The following HDAC9 variants were observed in gnomAD, a reference collection of about 807,000 sequenced individuals.
HDAC9 encodes the protein MEF-2 interacting transcription repressor (MITR) protein.
A neutral mutation model predicts 139.4 loss-of-function variants in HDAC9; 41 were observed. The observed-to-expected ratio is 0.29, with a 90% confidence interval of 0.23 to 0.38. HDAC9 has a LOEUF of 0.38. Among genes scored for constraint, HDAC9 ranks in the 10% least tolerant of loss-of-function variants. The pLI is 1.00. For synonymous variants in HDAC9, 517 were observed against 476.2 expected (o/e 1.09, Z -1.12); for missense variants, 1,147 against 1,297.0 (o/e 0.88, Z 1.78).
intron 1 of HDAC9, among the ~76,000 whole-genome samples, chr7:18,133,719 A>T (rs1785183332): frequency 6.6e-6 from 1 of 152,124 alleles, no homozygotes; most frequent in Non-Finnish European, 1.5e-5. Context: ...ATAAAATGGA[A>T]AAAGTGATTA....
chr7:18,904,211 G>A (rs919686271), intron 22 of HDAC9, among the ~76,000 whole-genome samples: 1 of 152,094 alleles, frequency 6.6e-6, no homozygotes, highest in African/African-American at 2.4e-5. Context: ...AAGGTTTTCT[G>A]CTTTACATAT....
intron 12 of HDAC9, among the ~76,000 whole-genome samples, chr7:18,716,572 C>G (rs1003562481): frequency 6.6e-6 from 1 of 152,044 alleles, no homozygotes; most frequent in South Asian, 2.1e-4. Context: ...ATGCATAGTG[C>G]AACCAAATTA....
intron 14 of HDAC9, among the ~76,000 whole-genome samples, chr7:18,753,553 C>A (rs925238056): frequency 6.6e-6 from 1 of 151,994 alleles, no homozygotes; most frequent in African/African-American, 2.4e-5. Flanking sequence ...ACAGAGCAGT[C>A]AATTTTACAA....
chr7:18,336,574 C>G (rs1247041924), intron 1 of HDAC9, among the ~76,000 whole-genome samples: 1 of 151,510 alleles, frequency 6.6e-6, no homozygotes, highest in Non-Finnish European at 1.5e-5. Flanking sequence ...TGGCTGCAAT[C>G]CTAGCCATTT....
chr7:18,763,227 G>C (rs1375255329), intron 15 of HDAC9, among the ~76,000 whole-genome samples: 1 of 152,248 alleles, frequency 6.6e-6, no homozygotes, highest in East Asian at 1.9e-4. Context: ...ACATACAGTA[G>C]GTAGGTATCT....
intron 2 of HDAC9, among the ~76,000 whole-genome samples, chr7:18,202,871 G>A (rs566803563): frequency 6.6e-6 from 1 of 152,246 alleles, no homozygotes; most frequent in Admixed American, 6.5e-5. Context: ...CCATTTGCCT[G>A]GGTTGAAACT....
intron 2 of HDAC9, among the ~76,000 whole-genome samples, chr7:18,181,797 C>A (rs1289605270): frequency 6.6e-6 from 1 of 152,048 alleles, no homozygotes; most frequent in Non-Finnish European, 1.5e-5. Context: ...ATGCTGAGGG[C>A]ATTGAACAGA....
chr7:18,822,391 GT>G (rs1474503280), intron 17 of HDAC9, among the ~76,000 whole-genome samples: 1 of 152,118 alleles, frequency 6.6e-6, no homozygotes, highest in Non-Finnish European at 1.5e-5. Context: ...TCTCACTCTT[GT>G]CGCCCAGGCT....
intron 1 of HDAC9, among the ~76,000 whole-genome samples, chr7:18,454,932 T>G: frequency 6.6e-6 from 1 of 152,102 alleles, no homozygotes; most frequent in East Asian, 1.9e-4. Flanking sequence ...TTGTCTTACC[T>G]AAAAATGGAG....
chr7:18,935,159 C>T (rs1184359625), intron 22 of HDAC9, among the ~76,000 whole-genome samples: 1 of 152,116 alleles, frequency 6.6e-6, no homozygotes, highest in Non-Finnish European at 1.5e-5. Flanking sequence ...CAGAGAAAGG[C>T]ACATGGGGGT....
chr7:18,235,542 A>G (rs532410972), intron 2 of HDAC9, among the ~76,000 whole-genome samples: 1 of 152,338 alleles, frequency 6.6e-6, no homozygotes, highest in Admixed American at 6.5e-5. Context: ...AGTATTAGTG[A>G]GTATTTACAA....
rs145645859 is a variant in HDAC9, at chr7:18,265,780, C to T, written c.25+103431C>T. Among the ~76,000 whole-genome samples, 294 of 152,206 alleles carry T rather than the reference C, an allele frequency of 1.9e-3. 4 individuals are homozygous for T. The highest frequency in any genetic ancestry group is 6.7e-3 in the African/African-American group (278 of 41,538). The stretch of plus-strand genomic sequence containing the variant: ...ACTTAATACAAGACAGCTGGATTTT[C>T]ATATCTGCTTCTGCATGCAATCTGT... On this transcript the variant is annotated intron_variant, in intron 2 of 12. Transcript: ENST00000417496.
At chr7:18,225,626 G>T (rs1434822922) in intron 2 of HDAC9, among the ~76,000 whole-genome samples, 1 of 152,060 alleles carries the variant, frequency 6.6e-6, no homozygotes, top group Non-Finnish European at 1.5e-5. Context: ...ATAATTGAAT[G>T]AATAAAAATT....
chr7:18,832,976 T>C lies in HDAC9; in HGVS notation c.2467-2491T>C, dbSNP rs559000860. ...GTCTCGAATTCCCAACCTCAGGTGA[T>C]CTGCCCACCTCGGCCTCCCAAAGTG... On this transcript the variant is annotated intron_variant, in intron 19 of 25. Coordinates refer to ENST00000686413, the MANE Select transcript of HDAC9 (RefSeq NM_178425.4). 1.1e-4 allele frequency among the ~76,000 whole-genome samples: 16 copies of C among 152,204 alleles called. No homozygotes were observed. In the South Asian group the frequency reaches 3.3e-3, roughly 32 times the overall value.
chr7:18,319,089 C>T (rs1170715349), intron 1 of HDAC9, among the ~76,000 whole-genome samples: 4 of 152,124 alleles, frequency 2.6e-5, no homozygotes, highest in South Asian at 2.1e-4. Context: ...TAGCATTTAC[C>T]GTAATTGTTG....
At chr7:18,901,743 T>C (rs1467242944) in intron 22 of HDAC9, among the ~76,000 whole-genome samples, 1 of 152,102 alleles carries the variant, frequency 6.6e-6, no homozygotes, top group East Asian at 1.9e-4. Context: ...TTTCATAACT[T>C]ATCTTATTTA....
chr7:18,239,095 T>C (rs1794017919), intron 2 of HDAC9, among the ~76,000 whole-genome samples: 1 of 152,236 alleles, frequency 6.6e-6, no homozygotes, highest in South Asian at 2.1e-4. Context: ...TTTGTCACTA[T>C]ACTTCTGAGT....
chr7:18,738,254 T>A (rs1343312203), intron 13 of HDAC9, among the ~76,000 whole-genome samples: 2 of 152,196 alleles, frequency 1.3e-5, no homozygotes, highest in East Asian at 3.9e-4. Context: ...AGTTAGCCCA[T>A]TTAAATTTAA....
intron 6 of HDAC9, among the ~76,000 whole-genome samples, chr7:18,622,850 A>C (rs1840599576): frequency 6.6e-6 from 1 of 151,988 alleles, no homozygotes; most frequent in Non-Finnish European, 1.5e-5. Flanking sequence ...CCTAGGATTA[A>C]GAGTGAACAG....
Sources: gnomAD v4.1 joint callset for allele counts (sites outside exome capture counted in the v4.1 genomes callset) on GRCh38, gnomAD v4.1.1 for gene constraint, MANE v1.5 for transcripts, NCBI Gene and HGNC (gene_info 2026-07-23, HGNC 2026-07-21) for gene names.